Variants in PRKD1 observed in about 807,000 individuals in gnomAD.
PRKD1 encodes protein kinase D1, also known as serine/threonine-protein kinase D1.
A neutral mutation model predicts 95.9 loss-of-function variants in PRKD1; 63 were observed. That is an observed-to-expected ratio of 0.66 (90% CI 0.54 to 0.81). PRKD1 has a LOEUF of 0.81. PRKD1 is among the 30% of genes least tolerant of loss of function. PRKD1 has a pLI of 0.00. For synonymous variants in PRKD1, 425 were observed against 423.1 expected, an observed-to-expected ratio of 1.00 and a Z score of -0.05; for missense variants, 1,048 against 1,165.3, an observed-to-expected ratio of 0.90 and a Z score of 1.47.
intron 1 of PRKD1, among the ~76,000 whole-genome samples, chr14:29,754,171 A>G (rs907593620): frequency 1.3e-5 from 2 of 152,158 alleles, no homozygotes; most frequent in African/African-American, 4.8e-5. Context: ...CATTTATCTA[A>G]CTACAAAATA....
Position 29,731,936 on chromosome 14 carries a change from C to T in PRKD1, c.265-6262G>A, listed in dbSNP as rs1223242382. On this transcript the variant is annotated intron_variant, in intron 1 of 17. Transcript: ENST00000331968. ...GCGCCCAGGCTGGATTGCAATGGTA[C>T]GATCTTGGCTTATGGCAACCTCCAA... is the stretch of plus-strand genomic sequence containing the variant. 3.3e-5 allele frequency among the ~76,000 whole-genome samples: 5 copies of T among 150,890 alleles called. No individual in the cohort carries two copies. In the South Asian group the frequency reaches 6.3e-4, roughly 19 times the overall value.
chr14:29,809,209 T>C (rs1890377376), intron 1 of PRKD1, among the ~76,000 whole-genome samples: 1 of 152,252 alleles, frequency 6.6e-6, no homozygotes, highest in Non-Finnish European at 1.5e-5. Flanking sequence ...ACAGATGTGC[T>C]GTCACACAGG....
At chr14:29,594,183 A>C (rs1453773178) in intron 16 of PRKD1, 1 of 446,828 alleles carries the variant, frequency 2.2e-6, no homozygotes, top group Non-Finnish European at 4.5e-6. Context: ...CACTAACAGA[A>C]AAAATACATA....
intron 1 of PRKD1, among the ~76,000 whole-genome samples, chr14:29,801,071 G>A (rs536187725): frequency 6.6e-6 from 1 of 152,212 alleles, no homozygotes; most frequent in African/African-American, 2.4e-5. Context: ...ACCCAAGTGT[G>A]TGTGTGTGTG....
At chr14:29,847,367 A>T (rs1892119970) in intron 1 of PRKD1, among the ~76,000 whole-genome samples, 1 of 152,164 alleles carries the variant, frequency 6.6e-6, no homozygotes, top group Non-Finnish European at 1.5e-5. Context: ...ATCTAAGCTA[A>T]TTTCTCCATA....
chr14:29,623,158 T>A (rs1457861071), intron 13 of PRKD1, among the ~76,000 whole-genome samples: 4 of 152,104 alleles, frequency 2.6e-5, no homozygotes, highest in Non-Finnish European at 1.5e-5. Flanking sequence ...GCATTGTGAG[T>A]CCTCTGTGCT....
chr14:29,683,551 A>G, intron 2 of PRKD1, among the ~76,000 whole-genome samples: 1 of 152,226 alleles, frequency 6.6e-6, no homozygotes, highest in East Asian at 1.9e-4. Context: ...AGAAGAAAGA[A>G]GCCAAGTGAA....
At chr14:29,878,341 C>CAAAAAAAA (rs58074850) in intron 1 of PRKD1, among the ~76,000 whole-genome samples, 3 of 49,834 alleles carry the variant, frequency 6.0e-5, no homozygotes, top group Admixed American at 2.1e-4. Flanking sequence ...GTTCTAATGA[C>CAAAAAAAA]AAAAAAAAAA....
chr14:29,720,064 C>T lies in PRKD1; in HGVS notation c.403+5472G>A, dbSNP rs1349457807. Reference sequence around the variant, plus strand: ...GTTAAAGGACCAGGATTCCCTTTTGCGGTATGTTTAATAAGCATACGCATC... The same window carrying T: ...GTTAAAGGACCAGGATTCCCTTTTGTGGTATGTTTAATAAGCATACGCATC... On this transcript the variant is annotated intron_variant, in intron 2 of 17. Coordinates refer to ENST00000331968, the MANE Select transcript of PRKD1 (RefSeq NM_002742.3). 3.3e-5 allele frequency among the ~76,000 whole-genome samples: 5 copies of T among 152,254 alleles called. No individual in the cohort carries two copies. The East Asian group carries it at 5.8e-4, about 18-fold the overall frequency.
At chr14:29,740,074 T>TACTAGTTAGTG (rs1886918406) in intron 1 of PRKD1, among the ~76,000 whole-genome samples, 2 of 152,190 alleles carry the variant, frequency 1.3e-5, no homozygotes, top group African/African-American at 4.8e-5. Flanking sequence ...TATCTTGCAT[T>TACTAGTTAGTG]ATACCTTGAC....
intron 1 of PRKD1, among the ~76,000 whole-genome samples, chr14:29,772,312 A>C (rs1424827083): frequency 1.3e-5 from 2 of 152,122 alleles, no homozygotes; most frequent in Non-Finnish European, 2.9e-5. Context: ...TACCCCTATA[A>C]ATGAGCCCTC....
intron 4 of PRKD1, among the ~76,000 whole-genome samples, chr14:29,661,395 C>CTATTATTTA (rs761169467): frequency 1.3e-5 from 2 of 152,010 alleles, no homozygotes; most frequent in Non-Finnish European, 2.9e-5. Context: ...TATAATATCA[C>CTATTATTTA]CTCTTATTAG....
chr14:29,826,834 T>TAC (rs1205126985), intron 1 of PRKD1, among the ~76,000 whole-genome samples: 6 of 27,110 alleles, frequency 2.2e-4, no homozygotes, highest in Non-Finnish European at 2.1e-4. Context: ...TATATATATA[T>TAC]ATATACACAC....
intron 1 of PRKD1, among the ~76,000 whole-genome samples, chr14:29,835,186 A>G (rs1891565876): frequency 6.6e-6 from 1 of 152,178 alleles, no homozygotes; most frequent in Non-Finnish European, 1.5e-5. Flanking sequence ...CATTTTATGG[A>G]AATAGTGGGG....
chr14:29,753,383 G>T (rs1887565389), intron 1 of PRKD1, among the ~76,000 whole-genome samples: 1 of 152,082 alleles, frequency 6.6e-6, no homozygotes, highest in African/African-American at 2.4e-5. Context: ...GGCTCTATAT[G>T]TGACAGTAAC....
At chr14:29,699,648 A>G (rs1342445875) in intron 2 of PRKD1, among the ~76,000 whole-genome samples, 3 of 152,128 alleles carry the variant, frequency 2.0e-5, no homozygotes, top group African/African-American at 2.4e-5. Flanking sequence ...TAAATATTTG[A>G]GTAGGTTTGA....
At chr14:29,634,195 T>C (rs1413766473) in intron 8 of PRKD1, among the ~76,000 whole-genome samples, 1 of 152,216 alleles carries the variant, frequency 6.6e-6, no homozygotes, top group Non-Finnish European at 1.5e-5. Context: ...GGTCAATGAA[T>C]TTGTTTGCCT....
intron 1 of PRKD1, among the ~76,000 whole-genome samples, chr14:29,821,584 G>T (rs746308492): frequency 8.6e-5 from 13 of 151,998 alleles, no homozygotes; most frequent in Non-Finnish European, 1.5e-4. Flanking sequence ...TTAAACAAAG[G>T]ACTTTATTTT....
At chr14:29,837,177 T>G (rs1381774618) in intron 1 of PRKD1, among the ~76,000 whole-genome samples, 2 of 152,132 alleles carry the variant, frequency 1.3e-5, no homozygotes, top group Non-Finnish European at 2.9e-5. Context: ...GAAAGGCAAC[T>G]AAGTACCCTT....
Sources: allele counts gnomAD v4.1 joint callset (sites outside exome capture counted in the v4.1 genomes callset), GRCh38; gene constraint gnomAD v4.1.1; transcripts MANE v1.5; gene names NCBI Gene and HGNC (gene_info 2026-07-23, HGNC 2026-07-21).